COMMD1: variants seen among roughly 807,000 people sequenced by gnomAD.
The protein encoded by COMMD1 is COMM domain-containing protein 1.
A neutral mutation model predicts 17.2 loss-of-function variants in COMMD1; 10 were observed. That is an observed-to-expected ratio of 0.58 (90% CI 0.36 to 0.99). The LOEUF (loss-of-function observed/expected upper bound fraction) is 0.99, where lower values mean the gene tolerates loss of function less well. Among genes scored for constraint, COMMD1 ranks in the 50% least tolerant of loss-of-function variants. The probability of loss-of-function intolerance (pLI) is 0.01; values close to 1 mark genes in which losing one functional copy is unlikely to be tolerated. For synonymous variants in COMMD1, 97 were observed against 91.6 expected, an observed-to-expected ratio of 1.06 and a Z score of -0.34; for missense variants, 270 against 231.8, an observed-to-expected ratio of 1.17 and a Z score of -1.07.
intron 1 of COMMD1, among the ~76,000 whole-genome samples, chr2:61,942,540 C>CTTTTT (rs759905506): frequency 2.7e-5 from 3 of 112,290 alleles, no homozygotes; most frequent in Admixed American, 9.4e-5. Flanking sequence ...TGTGCCTGGC[C>CTTTTT]TTTTTTTTTT....
upstream of COMMD1, among the ~76,000 whole-genome samples, chr2:61,902,510 T>TA (rs1558515384): frequency 3.4e-5 from 5 of 145,534 alleles, no homozygotes; most frequent in Non-Finnish European, 7.6e-5. Context: ...AACTCCACCT[T>TA]AAAAAAAAAG....
intron 1 of COMMD1, among the ~76,000 whole-genome samples, chr2:61,951,235 G>C (rs764103616): frequency 6.6e-6 from 1 of 152,112 alleles, no homozygotes; most frequent in African/African-American, 2.4e-5. Context: ...AGGTGGAGGC[G>C]GGTGGATAGG....
intron 2 of COMMD1, among the ~76,000 whole-genome samples, chr2:62,058,346 T>A (rs984026670): frequency 2.0e-5 from 3 of 152,222 alleles, no homozygotes; most frequent in African/African-American, 7.2e-5. Context: ...TAGAGATTTT[T>A]AAAAAATCTG....
chr2:62,030,395 C>T (rs544662207), intron 2 of COMMD1, among the ~76,000 whole-genome samples: 11 of 152,272 alleles, frequency 7.2e-5, no homozygotes, highest in South Asian at 2.1e-4. Flanking sequence ...TTAGCTTCTG[C>T]GGCTGCTTCT....
chr2:61,988,597 T>C lies in COMMD1; in HGVS notation c.181-12104T>C, dbSNP rs570518661. 3.9e-5 allele frequency among the ~76,000 whole-genome samples: 6 copies of C among 152,258 alleles called. No individual in the cohort carries two copies. In the South Asian group the frequency reaches 1.2e-3, roughly 32 times the overall value. On this transcript the variant is annotated intron_variant, in intron 1 of 2. Coordinates refer to ENST00000311832, the MANE Select transcript of COMMD1 (RefSeq NM_152516.4). ...TCAAGTTGAAGGAAGGAGTCTCTTT[T>C]GGAGCTGTGAGCTGTGCTGCCTGGG... is the stretch of plus-strand genomic sequence containing the variant.
chr2:62,002,450 C>G (rs1668973498), intron 2 of COMMD1, among the ~76,000 whole-genome samples: 1 of 131,376 alleles, frequency 7.6e-6, no homozygotes, highest in Non-Finnish European at 1.5e-5. Context: ...GAGATTGAGC[C>G]ACTGCACTCC....
chr2:62,048,808 G>C (rs1016183048), intron 2 of COMMD1, among the ~76,000 whole-genome samples: 3 of 151,988 alleles, frequency 2.0e-5, no homozygotes, highest in Non-Finnish European at 4.4e-5. Context: ...ACATTTCTTA[G>C]AGCATGAGGC....
At chr2:61,965,467 G>A (rs1304001970) in intron 1 of COMMD1, among the ~76,000 whole-genome samples, 2 of 152,214 alleles carry the variant, frequency 1.3e-5, no homozygotes, top group African/African-American at 4.8e-5. Context: ...AGTCGTAGAT[G>A]TCATCTGTAG....
intron 1 of COMMD1, among the ~76,000 whole-genome samples, chr2:61,898,430 C>T (rs890218712): frequency 6.6e-6 from 1 of 152,170 alleles, no homozygotes; most frequent in African/African-American, 2.4e-5. Context: ...AAGCTGGGAT[C>T]ACGCCACTGC....
intron 2 of COMMD1, among the ~76,000 whole-genome samples, chr2:62,022,507 G>A (rs1361220877): frequency 7.0e-6 from 1 of 141,890 alleles, no homozygotes; most frequent in East Asian, 2.1e-4. Flanking sequence ...GAGGCACTTG[G>A]TAAACAAACA....
At chr2:62,087,598 T>G (rs1334952014) in intron 2 of COMMD1, among the ~76,000 whole-genome samples, 1 of 151,984 alleles carries the variant, frequency 6.6e-6, no homozygotes, top group Non-Finnish European at 1.5e-5. Flanking sequence ...GTACAAAAAT[T>G]AGTCAGGCAT....
intron 2 of COMMD1, among the ~76,000 whole-genome samples, chr2:62,127,447 G>T (rs552082570): frequency 6.6e-6 from 1 of 152,108 alleles, no homozygotes; most frequent in Non-Finnish European, 1.5e-5. Flanking sequence ...GAACAAAGCC[G>T]AAGATATCAT....
intron 1 of COMMD1, among the ~76,000 whole-genome samples, chr2:61,897,296 T>C (rs1250570695): frequency 6.6e-6 from 1 of 152,240 alleles, no homozygotes. Context: ...ACTTAGCATA[T>C]AATCATATGG....
intron 2 of COMMD1, among the ~76,000 whole-genome samples, chr2:62,119,609 G>C (rs1290373254): frequency 6.6e-6 from 1 of 152,214 alleles, no homozygotes; most frequent in Non-Finnish European, 1.5e-5. Context: ...AGGGTCAAGA[G>C]AAAGACTGCT....
At chr2:61,996,258 CAT>C (rs1359821190) in intron 1 of COMMD1, among the ~76,000 whole-genome samples, 1 of 151,606 alleles carries the variant, frequency 6.6e-6, no homozygotes, top group African/African-American at 2.4e-5. Flanking sequence ...TTCATCTAGT[CAT>C]ATTCTTTTTG....
chr2:62,000,420 G>A (rs180904054), intron 1 of COMMD1, among the ~76,000 whole-genome samples: 2 of 151,838 alleles, frequency 1.3e-5, no homozygotes, highest in East Asian at 1.9e-4. Context: ...TACTGAGATT[G>A]CTGTTATTGC....
chr2:62,012,209 A>G (rs1289811880), intron 2 of COMMD1, among the ~76,000 whole-genome samples: 1 of 151,404 alleles, frequency 6.6e-6, no homozygotes, highest in Non-Finnish European at 1.5e-5. Flanking sequence ...GTGAGCCAAG[A>G]TCACGCCATT....
At chr2:62,008,365 C>G (rs13383016) in intron 2 of COMMD1, among the ~76,000 whole-genome samples, 10 of 142,444 alleles carry the variant, frequency 7.0e-5, no homozygotes, top group South Asian at 2.2e-4. Flanking sequence ...CAGACAGACA[C>G]ACACACACAC....
chr2:62,068,876 C>T (rs969569323), intron 2 of COMMD1, among the ~76,000 whole-genome samples: 6 of 151,812 alleles, frequency 4.0e-5, no homozygotes, highest in East Asian at 1.9e-4. Flanking sequence ...CTCCTGACCT[C>T]GTGATTCACC....
Sources: allele counts gnomAD v4.1 joint callset (sites outside exome capture counted in the v4.1 genomes callset), GRCh38; gene constraint gnomAD v4.1.1; transcripts MANE v1.5; gene names NCBI Gene and HGNC (gene_info 2026-07-23, HGNC 2026-07-21).